C2CD5: variants seen among roughly 807,000 people sequenced by gnomAD.
C2CD5 encodes the protein C2 domain-containing protein 5.
A neutral mutation model predicts 130.3 loss-of-function variants in C2CD5; 109 were observed. The ratio of observed to expected loss-of-function variants is 0.84; its 90% CI spans 0.72 to 0.98. C2CD5 has a LOEUF of 0.98. Ranked by LOEUF, C2CD5 falls within the 50% of genes least tolerant of loss-of-function variation. The pLI, the probability that C2CD5 is intolerant of heterozygous loss-of-function variation, is 0.00. For missense variants in C2CD5, 996 were observed against 1,261.8 expected (o/e 0.79, Z 3.19); for synonymous variants, 454 against 429.2 (o/e 1.06, Z -0.71).
In C2CD5 at chr12:22,524,562, T is replaced by C. The variant is rs1170849231; in HGVS notation, c.511A>G (p.Asn171Asp). 1.2e-6 allele frequency: 2 copies of C among 1,613,514 alleles called. No homozygotes were observed. The highest frequency in any genetic ancestry group is 1.7e-5 in the Admixed American group (1 of 60,010). The change falls in exon 6 of 27, where the codon AAT becomes GAT. Residue 171 changes from asparagine to aspartate, a missense_variant. Asn to Asp is a conservative substitution (Grantham distance 23). Transcript: ENST00000446597. ...IHGFVEELVVNEDPEYQWIDR... is the reference protein window; with the variant it reads ...IHGFVEELVVDEDPEYQWIDR... ...ATCCACTGATATTCTGGGTCTTCAT[T>C]GACCACAAGTTCTTCTACAAATCCA...
chr12:22,486,530 T>C (rs376538414), intron 12 of C2CD5, among the ~76,000 whole-genome samples: 16 of 152,308 alleles, frequency 1.1e-4, no homozygotes, highest in African/African-American at 3.4e-4. Context: ...TGCTGAGGAC[T>C]AGCACATTGC....
chr12:22,490,126 T>G lies in C2CD5; in HGVS notation c.1355A>C (p.Gln452Pro). 2 of 1,611,828 alleles carry G rather than the reference T, an allele frequency of 1.2e-6. No individual in the cohort carries two copies. Among genetic ancestry groups the G allele is most frequent in the Non-Finnish European group, 1.7e-6 (2 of 1,178,022 alleles). ...TAAGCCAGGCTGCCATGACAACCTCTGTTCCAAACAGCCTTCCACGGTGCC... is the reference window on the plus strand; with the variant it reads ...TAAGCCAGGCTGCCATGACAACCTCGGTTCCAAACAGCCTTCCACGGTGCC... The part of the protein sequence containing the change: ...QDGTVEGCLE[Q>P]RLEENLPTRC... Residue 452 changes from glutamine to proline, a missense_variant, in exon 12 of 27, where the codon CAG becomes CCG. Around this residue, in one of 9 missense-constraint regions of C2CD5, gnomAD observed 590 missense variants for 631.4 expected, o/e 0.93. Coordinates refer to ENST00000446597, the MANE Select transcript of C2CD5 (RefSeq NM_001286176.2).
At chr12:22,536,922 T>C (rs922021575) in intron 2 of C2CD5, among the ~76,000 whole-genome samples, 5 of 152,236 alleles carry the variant, frequency 3.3e-5, no homozygotes, top group African/African-American at 1.2e-4. Context: ...GTTTAATTAC[T>C]AATTTAATTT....
chr12:22,536,757 A>G (rs994789414), intron 2 of C2CD5, among the ~76,000 whole-genome samples: 5 of 152,194 alleles, frequency 3.3e-5, no homozygotes, highest in African/African-American at 9.6e-5. Flanking sequence ...AATAGAGTAC[A>G]GTGGTGTAAG....
At chr12:22,527,317 C>CATATATAT (rs996090197) in intron 4 of C2CD5, among the ~76,000 whole-genome samples, 6 of 131,722 alleles carry the variant, frequency 4.6e-5, no homozygotes, top group African/African-American at 1.5e-4. Context: ...ATATTATATA[C>CATATATAT]ATATATATAT....
At chr12:22,465,100 T>C (rs1941835544) in intron 22 of C2CD5, among the ~76,000 whole-genome samples, 1 of 152,168 alleles carries the variant, frequency 6.6e-6, no homozygotes, top group South Asian at 2.1e-4. Context: ...GTACAATGTA[T>C]TGTGGGTATA....
At chr12:22,451,833 T>A (rs1344881505) in intron 26 of C2CD5, among the ~76,000 whole-genome samples, 2 of 152,148 alleles carry the variant, frequency 1.3e-5, no homozygotes, top group Non-Finnish European at 2.9e-5. Context: ...TTGTATGACA[T>A]ATTAAGAAGC....
At chr12:22,513,190 A>C in intron 9 of C2CD5, 104 bp downstream of exon 9, 2 of 775,802 alleles carry the variant, frequency 2.6e-6, no homozygotes, top group Non-Finnish European at 4.3e-6. Context: ...AATATTATAG[A>C]TATGTAACCA....
chr12:22,532,413 A>G (rs1951375985), intron 3 of C2CD5, among the ~76,000 whole-genome samples: 1 of 152,112 alleles, frequency 6.6e-6, no homozygotes, highest in Admixed American at 6.6e-5. Context: ...CATGCTTCAT[A>G]GCCACCTCAA....
chr12:22,482,197 C>T (rs115365422), intron 14 of C2CD5, among the ~76,000 whole-genome samples: 1 of 152,124 alleles, frequency 6.6e-6, no homozygotes, highest in African/African-American at 2.4e-5. Flanking sequence ...AAGCGTCCTA[C>T]AATGCACAAC....
intron 11 of C2CD5, among the ~76,000 whole-genome samples, chr12:22,491,311 T>C (rs1946324029): frequency 6.6e-6 from 1 of 151,950 alleles, no homozygotes; most frequent in Non-Finnish European, 1.5e-5. Flanking sequence ...TGTGGCCTTC[T>C]TTTTTTTGCT....
At chr12:22,528,254 G>C (rs1209150933) in intron 3 of C2CD5, among the ~76,000 whole-genome samples, 1 of 152,200 alleles carries the variant, frequency 6.6e-6, no homozygotes, top group Non-Finnish European at 1.5e-5. Context: ...TCTATAGAGA[G>C]AAGAATGCTA....
intron 11 of C2CD5, among the ~76,000 whole-genome samples, chr12:22,491,071 A>G (rs1347149622): frequency 1.3e-5 from 2 of 152,244 alleles, no homozygotes; most frequent in African/African-American, 2.4e-5. Flanking sequence ...TCAAGAAGTT[A>G]TAAGAGCAGA....
At chr12:22,535,444 G>C in intron 2 of C2CD5, 100 bp from the exon 3 acceptor site, 1 of 667,046 alleles carries the variant, frequency 1.5e-6, no homozygotes, top group South Asian at 1.7e-5. Flanking sequence ...ACCATAAAGG[G>C]GACAAAAGAC....
chr12:22,474,706 C>A (rs1469648523), intron 16 of C2CD5, 45 bp downstream of exon 16: 1 of 1,466,764 alleles, frequency 6.8e-7, no homozygotes, highest in Non-Finnish European at 9.1e-7. Context: ...AAATGTGTAT[C>A]TTAGCTTCCA....
chr12:22,460,239 T>TA (rs1330579005), intron 22 of C2CD5, among the ~76,000 whole-genome samples: 1 of 152,184 alleles, frequency 6.6e-6, no homozygotes, highest in Non-Finnish European at 1.5e-5. Context: ...AATAGCACTA[T>TA]AAAAAAACTT....
At position 22,503,297 on chromosome 12, in the gene C2CD5, T is replaced by C. The variant is rs1176444808; in HGVS notation, c.1147+3414A>G. On this transcript the variant is annotated intron_variant, in intron 10 of 26. Coordinates refer to ENST00000446597, the MANE Select transcript of C2CD5 (RefSeq NM_001286176.2). Reference sequence around the variant, plus strand: ...ATCTCAATCCATCGTTAAGTCTCCCTCAGCAGAGGAACTCAGTGTCACAAA... The same window carrying C: ...ATCTCAATCCATCGTTAAGTCTCCCCCAGCAGAGGAACTCAGTGTCACAAA... Among the ~76,000 whole-genome samples the C allele has an allele frequency of 2.0e-5, 3 of 152,210 alleles. No individual in the cohort carries two copies. The East Asian group carries it at 5.8e-4, about 29-fold the overall frequency.
rs567878284 is a variant in C2CD5 at position 22,476,359 on chromosome 12, T to C, written c.1903-1468A>G. 1.2e-3 allele frequency among the ~76,000 whole-genome samples: 177 copies of C among 152,236 alleles called. No homozygotes were observed. In the Middle Eastern group the frequency reaches 0.014, roughly 12 times the overall value. ...TGTCAAAAAAAATGCTGAGAGATTA[T>C]GCTAAAAGACTATAATGTAGTCAGT... On this transcript the variant is annotated intron_variant, in intron 15 of 26. Coordinates refer to ENST00000446597, the MANE Select transcript of C2CD5 (RefSeq NM_001286176.2).
chr12:22,473,008 A>G (rs1948606799), intron 16 of C2CD5, among the ~76,000 whole-genome samples: 1 of 152,114 alleles, frequency 6.6e-6, no homozygotes, highest in African/African-American at 2.4e-5. Flanking sequence ...TTTACGTACA[A>G]AGTACACTAA....
Sources: gnomAD v4.1 joint callset for allele counts (sites outside exome capture counted in the v4.1 genomes callset) on GRCh38, gnomAD v4.1.1 for gene constraint, gnomAD v4.1.1 regional missense constraint, MANE v1.5 for transcripts, NCBI Gene and HGNC (gene_info 2026-07-23, HGNC 2026-07-21) for gene names.